Variants in CCDC91 observed in about 807,000 individuals in gnomAD.
CCDC91 encodes coiled-coil domain containing 91.
In CCDC91, 48 loss-of-function variants were observed where a neutral mutation model predicts 63.2. That is an observed-to-expected ratio of 0.76 (90% CI 0.60 to 0.97). The LOEUF is 0.97. CCDC91 is among the 50% of genes least tolerant of loss of function. CCDC91 has a pLI of 0.00. For missense variants in CCDC91, 500 were observed against 494.6 expected (o/e 1.01, Z -0.10); for synonymous variants, 167 against 165.8 (o/e 1.01, Z -0.06).
At chr12:28,356,808 T>C (rs1943558098) in intron 6 of CCDC91, among the ~76,000 whole-genome samples, 1 of 152,208 alleles carries the variant, frequency 6.6e-6, no homozygotes, top group Non-Finnish European at 1.5e-5. Flanking sequence ...AGGCTAATTA[T>C]AGACTGGCTC....
At chr12:28,278,960 G>T (rs1948421663) in intron 3 of CCDC91, among the ~76,000 whole-genome samples, 1 of 151,720 alleles carries the variant, frequency 6.6e-6, no homozygotes, top group Non-Finnish European at 1.5e-5. Context: ...TTATATACAG[G>T]TATATTAATA....
intron 6 of CCDC91, among the ~76,000 whole-genome samples, chr12:28,323,764 A>G (rs1592308749): frequency 6.6e-6 from 1 of 151,934 alleles, no homozygotes; most frequent in East Asian, 1.9e-4. Context: ...GTCTTTGCCA[A>G]ATAGTCAGGT....
chr12:28,237,575 T>G (rs867430849), intron 1 of CCDC91, among the ~76,000 whole-genome samples: 2 of 152,100 alleles, frequency 1.3e-5, no homozygotes, highest in Middle Eastern at 3.2e-3. Context: ...AACCAAGGAA[T>G]ACCAGCAGCT....
rs563638402 is a variant in CCDC91, at chr12:28,464,086, C to A, written c.1101+11432C>A. On this transcript the variant is annotated intron_variant, in intron 11 of 12. Transcript: ENST00000536442. The stretch of plus-strand genomic sequence containing the variant: ...TTGATTCAGTGCTGCCCTTGTTATA[C>A]CAGAAAGCAAAACCAGACCAAACTT... Among the ~76,000 whole-genome samples, 3 of 152,206 alleles carry A rather than the reference C, an allele frequency of 2.0e-5. No homozygotes were observed. The South Asian group carries it at 6.2e-4, about 32-fold the overall frequency.
chr12:28,263,668 A>G (rs931267945), intron 3 of CCDC91, among the ~76,000 whole-genome samples: 2 of 151,930 alleles, frequency 1.3e-5, no homozygotes, highest in Non-Finnish European at 2.9e-5. Context: ...TCTAATTTGT[A>G]TTTTTAAATA....
chr12:28,334,763 G>A (rs1281717900), intron 6 of CCDC91, among the ~76,000 whole-genome samples: 3 of 152,104 alleles, frequency 2.0e-5, no homozygotes, highest in African/African-American at 7.2e-5. Context: ...TACAGGAAGT[G>A]TAACTCAGTG....
intron 3 of CCDC91, among the ~76,000 whole-genome samples, chr12:28,280,560 T>C (rs927864833): frequency 2.0e-5 from 3 of 152,158 alleles, no homozygotes; most frequent in Non-Finnish European, 4.4e-5. Flanking sequence ...ATGTCTATAA[T>C]GGTGATGGAT....
At chr12:28,359,380 A>G (rs1404360478) in intron 6 of CCDC91, among the ~76,000 whole-genome samples, 3 of 152,234 alleles carry the variant, frequency 2.0e-5, no homozygotes, top group African/African-American at 7.2e-5. Flanking sequence ...CATTTAAGGC[A>G]TCTAGGGTAG....
At chr12:28,347,768 A>G (rs1456506455) in intron 6 of CCDC91, among the ~76,000 whole-genome samples, 1 of 152,226 alleles carries the variant, frequency 6.6e-6, no homozygotes, top group African/African-American at 2.4e-5. Context: ...GGGGAAAAAA[A>G]GATATTTTTA....
At chr12:28,303,429 C>T (rs1458623368) in intron 3 of CCDC91, among the ~76,000 whole-genome samples, 2 of 151,900 alleles carry the variant, frequency 1.3e-5, no homozygotes, top group African/African-American at 4.8e-5. Flanking sequence ...ACCTACTTTC[C>T]CTCCTTTCTC....
In CCDC91 at chr12:28,414,278, G is replaced by A. The variant is rs1414148562; in HGVS notation, c.762+22867G>A. ...AACATTTAAAAAGTTGAGAAATATT[G>A]TAATAATAAATGATTATAGACAACA... is the stretch of plus-strand genomic sequence containing the variant. On this transcript the variant is annotated intron_variant, in intron 8 of 12. Transcript: ENST00000536442. Among the ~76,000 whole-genome samples, 6 of 152,144 alleles carry A rather than the reference G, an allele frequency of 3.9e-5. No individual in the cohort carries two copies. The East Asian group carries it at 7.7e-4, about 20-fold the overall frequency.
chr12:28,383,834 A>G (rs186824602), intron 7 of CCDC91, among the ~76,000 whole-genome samples: 2 of 152,244 alleles, frequency 1.3e-5, no homozygotes, highest in Admixed American at 6.5e-5. Flanking sequence ...TTCTCCTCTA[A>G]TACAACCATG....
chr12:28,267,781 T>TA lies in CCDC91; in HGVS notation c.109+8340dup, dbSNP rs1229931274. 6.9e-5 allele frequency among the ~76,000 whole-genome samples: 5 copies of TA among 72,528 alleles called. 1 individual carries two copies. Among genetic ancestry groups the TA allele is most frequent in the Non-Finnish European group, 1.0e-4 (4 of 39,732 alleles). 47.6% of individuals were successfully genotyped at this position (72,528 alleles called of 152,430 possible). Reference sequence around the variant, plus strand: ...TAATTATATATAATTATATTATTAATATATAATTATATATAATTATATAGT... The same window carrying TA: ...TAATTATATATAATTATATTATTAATAATATAATTATATATAATTATATAGT... On this transcript the variant is annotated intron_variant, in intron 3 of 12. Coordinates refer to ENST00000536442, the MANE Select transcript of CCDC91 (RefSeq NM_018318.5).
intron 1 of CCDC91, among the ~76,000 whole-genome samples, chr12:28,244,526 T>TTTA (rs3064708): frequency 9.0e-6 from 1 of 111,220 alleles, no homozygotes; most frequent in Non-Finnish European, 1.9e-5. Context: ...TTTTTTTTTT[T>TTTA]ACAGCTCTAC....
chr12:28,347,972 C>T (rs1272487476), intron 6 of CCDC91, among the ~76,000 whole-genome samples: 2 of 152,162 alleles, frequency 1.3e-5, no homozygotes, highest in Non-Finnish European at 2.9e-5. Flanking sequence ...GTAAGCCAAC[C>T]ATTCATGCCT....
At chr12:28,516,638 C>G (rs1939979978) in intron 12 of CCDC91, among the ~76,000 whole-genome samples, 1 of 151,782 alleles carries the variant, frequency 6.6e-6, no homozygotes, top group African/African-American at 2.4e-5. Flanking sequence ...TTTATTTTCT[C>G]ACAGTCTCAC....
rs146900990 is a variant in CCDC91, at chr12:28,252,474, T to C, written c.-14-4728T>C. On this transcript the variant is annotated intron_variant, in intron 1 of 12. Coordinates refer to ENST00000536442, the MANE Select transcript of CCDC91 (RefSeq NM_018318.5). ...TCTGACTTCCCATTTTTTTCTCTTA[T>C]ACTTTTTTAAAAGAAAATTTCCTTA... Among the ~76,000 whole-genome samples, 400 of 152,102 alleles carry C rather than the reference T, an allele frequency of 2.6e-3. 6 individuals are homozygous for C. Among genetic ancestry groups the C allele is most frequent in the East Asian group, 0.016 (81 of 5,182 alleles).
chr12:28,238,210 C>G (rs760077577), intron 1 of CCDC91, among the ~76,000 whole-genome samples: 1 of 152,064 alleles, frequency 6.6e-6, no homozygotes, highest in Non-Finnish European at 1.5e-5. Flanking sequence ...TATATAATAA[C>G]TTCTTAGATA....
At chr12:28,333,781 T>C (rs1372172974) in intron 6 of CCDC91, among the ~76,000 whole-genome samples, 2 of 152,228 alleles carry the variant, frequency 1.3e-5, no homozygotes, top group African/African-American at 2.4e-5. Context: ...TCAGATTATA[T>C]AGACTTTATG....
Sources: gnomAD v4.1 joint callset for allele counts (sites outside exome capture counted in the v4.1 genomes callset) on GRCh38, gnomAD v4.1.1 for gene constraint, MANE v1.5 for transcripts, NCBI Gene and HGNC (gene_info 2026-07-23, HGNC 2026-07-21) for gene names.